AK9: variants seen among roughly 807,000 people sequenced by gnomAD.
The protein encoded by AK9 is adenylate kinase 9.
In AK9, 191 loss-of-function variants were observed where a neutral mutation model predicts 239.6. That is an observed-to-expected ratio of 0.80 (90% CI 0.71 to 0.90). The LOEUF is 0.90. Among genes scored for constraint, AK9 ranks in the 40% least tolerant of loss-of-function variants. The pLI is 0.00. For synonymous variants in AK9, 689 were observed against 721.0 expected (o/e 0.96, Z 0.71); for missense variants, 1,995 against 2,214.7 (o/e 0.90, Z 1.99).
chr6:109,547,930 T>C (rs943807683), intron 25 of AK9, among the ~76,000 whole-genome samples: 4 of 146,310 alleles, frequency 2.7e-5, no homozygotes, highest in Non-Finnish European at 4.5e-5. Context: ...AAAGAACACA[T>C]ACAAATGGAC....
rs1792710627 is a variant in AK9 at position 109,605,421 on chromosome 6, T to C, written c.1842+4944A>G. Among the ~76,000 whole-genome samples the C allele has an allele frequency of 2.0e-5, 3 of 152,196 alleles. No individual in the cohort carries two copies. The South Asian group carries it at 6.2e-4, about 31-fold the overall frequency. The stretch of plus-strand genomic sequence containing the variant: ...ACAAGATAATTTATTGAGATATTCA[T>C]TTGAGTTTTTTCTTGCTATTTTTTT... On this transcript the variant is annotated intron_variant, in intron 17 of 40. Coordinates refer to ENST00000424296, the MANE Select transcript of AK9 (RefSeq NM_001145128.3).
chr6:109,494,498 T>C (rs73520961), intron 39 of AK9: 4,434 of 157,718 alleles, frequency 0.028, 200 homozygotes, highest in African/African-American at 0.1. Context: ...CTGAGGACCC[T>C]TGGCTACCTG....
At chr6:109,518,598 T>C (rs753014235) in intron 29 of AK9, among the ~76,000 whole-genome samples, 2 of 152,048 alleles carry the variant, frequency 1.3e-5, no homozygotes, top group Non-Finnish European at 2.9e-5. Flanking sequence ...ATCACACTCC[T>C]ATCTCTATTT....
intron 8 of AK9, among the ~76,000 whole-genome samples, chr6:109,655,142 T>G (rs1799505206): frequency 6.6e-6 from 1 of 152,236 alleles, no homozygotes; most frequent in Non-Finnish European, 1.5e-5. Context: ...GTGGACAACC[T>G]GTCAAAGGAT....
At chr6:109,587,517 A>AC (rs1789663960) in intron 17 of AK9, among the ~76,000 whole-genome samples, 1 of 151,782 alleles carries the variant, frequency 6.6e-6, no homozygotes, top group African/African-American at 2.4e-5. Context: ...CCACTTCCCC[A>AC]CCCCTCTGAT....
At position 109,497,471 on chromosome 6, in the gene AK9, A is replaced by C. The variant is rs1425980760; in HGVS notation, c.5309T>G (p.Phe1770Cys). Reference sequence around the variant, plus strand: ...TGTGATTTAATGGTCTCACCTCAAAAATTTCTGGAGTTTTTCTTTGTTCTC... The same window carrying C: ...TGTGATTTAATGGTCTCACCTCAAACATTTCTGGAGTTTTTCTTTGTTCTC... ...ICENKEKLQK[F>C]LRSPLKYWEQ... Residue 1770 changes from phenylalanine to cysteine, a missense_variant, in exon 38 of 41, where the codon TTT becomes TGT. Around this residue, in one of 5 missense-constraint regions of AK9, gnomAD observed 391 missense variants for 456.0 expected, o/e 0.86. Coordinates refer to ENST00000424296, the MANE Select transcript of AK9 (RefSeq NM_001145128.3). 9.5e-6 allele frequency: 15 copies of C among 1,582,354 alleles called. No homozygotes were observed. The highest frequency in any genetic ancestry group is 1.3e-5 in the Non-Finnish European group (15 of 1,152,436).
rs529150252 is a variant in AK9 at position 109,689,938 on chromosome 6, A to G, written c.-12+1209T>C. Among the ~76,000 whole-genome samples the G allele has an allele frequency of 3.9e-5, 6 of 152,340 alleles. No individual in the cohort carries two copies. The South Asian group carries it at 1.2e-3, about 32-fold the overall frequency. On this transcript the variant is annotated intron_variant, in intron 1 of 40. Coordinates refer to ENST00000424296, the MANE Select transcript of AK9 (RefSeq NM_001145128.3). ...CCCAGTTAAAAGATCCAAGTCCAAA[A>G]TGCCAGAACGGACACGGCCATCCTT...
chr6:109,559,357 T>C (rs543811690), intron 24 of AK9, among the ~76,000 whole-genome samples: 206 of 151,922 alleles, frequency 1.4e-3, no homozygotes, highest in Non-Finnish European at 2.0e-3. Context: ...TTAGTAGAGA[T>C]GGGGTTTCAC....
At chr6:109,513,424 G>C (rs1778951005) in intron 32 of AK9, among the ~76,000 whole-genome samples, 1 of 152,068 alleles carries the variant, frequency 6.6e-6, no homozygotes, top group Non-Finnish European at 1.5e-5. Context: ...TAAAAATACA[G>C]GCATTATCTC....
At chr6:109,660,997 A>G (rs1404776687) in intron 6 of AK9, 3 of 502,324 alleles carry the variant, frequency 6.0e-6, no homozygotes, top group Non-Finnish European at 1.2e-5. Context: ...AAAAATTCAC[A>G]TATACATAAA....
chr6:109,576,918 C>T (rs549921064), intron 20 of AK9, among the ~76,000 whole-genome samples: 389 of 151,770 alleles, frequency 2.6e-3, no homozygotes, highest in Non-Finnish European at 4.4e-3. Context: ...GCAACCTCCA[C>T]CTCCTGGGTT....
chr6:109,523,096 A>G (rs1174652174), intron 29 of AK9, among the ~76,000 whole-genome samples: 1 of 152,148 alleles, frequency 6.6e-6, no homozygotes, highest in African/African-American at 2.4e-5. Context: ...AGATATTCAA[A>G]TTATATACAA....
intron 40 of AK9, 80 bp downstream of exon 40, chr6:109,493,901 G>A: frequency 9.1e-7 from 1 of 1,103,078 alleles, no homozygotes; most frequent in East Asian, 2.4e-5. Context: ...AGGCAACACA[G>A]TTTAACAATC....
At chr6:109,682,448 A>G (rs1772815500) in intron 1 of AK9, among the ~76,000 whole-genome samples, 1 of 151,206 alleles carries the variant, frequency 6.6e-6, no homozygotes, top group Non-Finnish European at 1.5e-5. Context: ...AAAAAAATCA[A>G]TGAATCCAGG....
Position 109,533,402 on chromosome 6 carries a change from C to A in AK9, c.3419G>T (p.Gly1140Val), listed in dbSNP as rs372964885. 5.6e-6 allele frequency: 9 copies of A among 1,610,352 alleles called. 1 individual carries two copies. In the African/African-American group the frequency reaches 1.2e-4, roughly 22 times the overall value. The change falls in exon 28 of 41, where the codon GGA becomes GTA. Residue 1140 changes from glycine (G) to valine (V), a missense_variant. Transcript: ENST00000424296. Reference sequence around the variant, plus strand: ...AAAAACAGCTGCATCTGGGAAAAATCCACGATCTCCCAAAAACTGGGCCTC... The same window carrying A: ...AAAAACAGCTGCATCTGGGAAAAATACACGATCTCCCAAAAACTGGGCCTC... ...PEEAQFLGDR[G>V]FFPDAAVFIQ...
chr6:109,660,657 A>G (rs989802730), intron 6 of AK9, among the ~76,000 whole-genome samples: 1 of 152,172 alleles, frequency 6.6e-6, no homozygotes, highest in Admixed American at 6.5e-5. Flanking sequence ...GGACCTTGAC[A>G]AGGACTATCT....
intron 8 of AK9, among the ~76,000 whole-genome samples, chr6:109,652,743 C>T (rs759921577): frequency 6.6e-6 from 1 of 152,074 alleles, no homozygotes; most frequent in African/African-American, 2.4e-5. Flanking sequence ...CAAAAAAGTA[C>T]ATAGAAACAG....
chr6:109,609,218 A>T (rs2128237804), intron 17 of AK9, among the ~76,000 whole-genome samples: 1 of 152,326 alleles, frequency 6.6e-6, no homozygotes, highest in Admixed American at 6.5e-5. Context: ...CTCAAGGGCA[A>T]ATATGGAAAT....
chr6:109,596,413 G>C (rs1402337437), intron 17 of AK9, among the ~76,000 whole-genome samples: 1 of 152,198 alleles, frequency 6.6e-6, no homozygotes, highest in Non-Finnish European at 1.5e-5. Context: ...CCTGGGAAAA[G>C]AGGGGCAGCC....
Sources: gnomAD v4.1 joint callset for allele counts (sites outside exome capture counted in the v4.1 genomes callset) on GRCh38, gnomAD v4.1.1 for gene constraint, gnomAD v4.1.1 regional missense constraint, MANE v1.5 for transcripts, NCBI Gene and HGNC (gene_info 2026-07-23, HGNC 2026-07-21) for gene names.